The following PSD2 variants were observed in gnomAD, a reference collection of about 807,000 sequenced individuals.
PSD2 encodes the protein pleckstrin and Sec7 domain containing 2.
In PSD2, 38 loss-of-function variants were observed where a neutral mutation model predicts 69.8. The ratio of observed to expected loss-of-function variants is 0.54; its 90% confidence interval spans 0.42 to 0.71. The LOEUF (loss-of-function observed/expected upper bound fraction) is 0.71. PSD2 is among the 30% of genes least tolerant of loss of function. PSD2 has a pLI of 0.00. For synonymous variants in PSD2, 412 were observed against 423.0 expected (o/e 0.97, Z 0.32); for missense variants, 943 against 1,014.5 (o/e 0.93, Z 0.96).
the PSD2 span, among the ~76,000 whole-genome samples, chr5:139,771,265 C>T: frequency 1.1e-4 from 16 of 152,360 alleles, no homozygotes; most frequent in Middle Eastern, 0.01. Flanking sequence ...CCTGGGGACC[C>T]GGGGCTGCCC....
chr5:139,748,623 C>T, the PSD2 span, among the ~76,000 whole-genome samples: 1 of 152,256 alleles, frequency 6.6e-6, no homozygotes, highest in Non-Finnish European at 1.5e-5. Context: ...CTGCCATGTC[C>T]GCGCGGGTGG....
At position 139,843,579 on chromosome 5, in the gene PSD2, A is replaced by G. The variant is rs1760929818; in HGVS notation, c.*1105A>G. 1 of 152,286 alleles carries G rather than the reference A, an allele frequency of 6.6e-6. No homozygotes were observed. Among genetic ancestry groups the G allele is most frequent in the Admixed American group, 6.5e-5 (1 of 15,292 alleles). 9.4% of individuals were successfully genotyped at this position (152,286 alleles called of 1,614,324 possible). A position where few individuals can be genotyped will look rare whatever the true frequency, so the allele number is the denominator to read the frequency against. ...AATGGCTGCTTGTCAACAAGCCCAA[A>G]GATGCTTGTCGGAGGACGGTTATGG... On this transcript the variant is annotated 3_prime_UTR_variant, in exon 15 of 15. Transcript: ENST00000274710.
At chr5:139,792,219 T>C (rs539380146), upstream of PSD2, among the ~76,000 whole-genome samples, 19 of 152,218 alleles carry the variant, frequency 1.2e-4, no homozygotes, top group East Asian at 3.7e-3. Flanking sequence ...CAGTAGGTGC[T>C]TATTGAGCTC....
intron 1 of PSD2, among the ~76,000 whole-genome samples, chr5:139,801,363 T>G (rs936114635): frequency 3.3e-5 from 5 of 152,176 alleles, no homozygotes; most frequent in Admixed American, 6.5e-5. Flanking sequence ...ATCAGTAATG[T>G]TCCTGTCGCT....
At chr5:139,796,058 CGTGCGGGTGGGGGGCGT>C (rs1194190877) in intron 1 of PSD2, 83 bp downstream of exon 1, 51 of 134 alleles carry the variant, frequency 0.38, no homozygotes, top group African/African-American at 0.48. Flanking sequence ...GAGAGGGCCG[CGTGCGGGTGGGGGGCGT>C]CGCCCTCGCC....
At chr5:139,784,797 C>A in the PSD2 span, among the ~76,000 whole-genome samples, 1 of 152,130 alleles carries the variant, frequency 6.6e-6, no homozygotes, top group East Asian at 1.9e-4. Flanking sequence ...GCTCTGTTGC[C>A]CAGGCTGCAG....
rs377386241 is a variant in PSD2, at chr5:139,804,966, C to T, written c.-50-4425C>T. Among the ~76,000 whole-genome samples, 60 of 146,820 alleles carry T rather than the reference C, an allele frequency of 4.1e-4. 1 individual carries two copies. Among genetic ancestry groups the T allele is most frequent in the African/African-American group, 1.3e-3 (50 of 39,190 alleles). On this transcript the variant is annotated intron_variant, in intron 1 of 14. Coordinates refer to ENST00000274710, the MANE Select transcript of PSD2 (RefSeq NM_032289.4). ...CTGCACGTGTGCGTGTGTATGTGTGCGTGTGTGCGTGCGTGTGTGCATGTG... is the reference window on the plus strand; with the variant it reads ...CTGCACGTGTGCGTGTGTATGTGTGTGTGTGTGCGTGCGTGTGTGCATGTG...
chr5:139,766,828 C>CTTCTCTCCCT, the PSD2 span, among the ~76,000 whole-genome samples: 1 of 87,736 alleles, frequency 1.1e-5, no homozygotes, highest in Non-Finnish European at 2.6e-5. Context: ...AAGTCCCTTC[C>CTTCTCTCCCT]TTCTTTCTTT....
chr5:139,833,606 A>C, intron 7 of PSD2, 96 bp from the exon 8 acceptor site: 3 of 827,386 alleles, frequency 3.6e-6, no homozygotes, highest in Non-Finnish European at 6.4e-6. Context: ...ATTGCCCTTA[A>C]TGCTGCCTCA....
chr5:139,766,930 C>CTTCTTTCTTTCT, the PSD2 span, among the ~76,000 whole-genome samples: 287 of 44,064 alleles, frequency 6.5e-3, 1 homozygote, highest in East Asian at 0.029. Flanking sequence ...CCTTCCTTCC[C>CTTCTTTCTTTCT]TTCTTTCTTT....
At chr5:139,748,868 G>A in the PSD2 span, among the ~76,000 whole-genome samples, 1 of 151,956 alleles carries the variant, frequency 6.6e-6, no homozygotes, top group Non-Finnish European at 1.5e-5. Context: ...AAAGAGAGAA[G>A]GGAGCAGTCA....
chr5:139,779,875 T>A, the PSD2 span, among the ~76,000 whole-genome samples: 1 of 152,222 alleles, frequency 6.6e-6, no homozygotes, highest in Admixed American at 6.5e-5. Flanking sequence ...TTTTTATTGT[T>A]GAGTAGGAAT....
At chr5:139,772,603 T>G in the PSD2 span, 6 of 152,340 alleles carry the variant, frequency 3.9e-5, no homozygotes, top group Non-Finnish European at 5.9e-5. Context: ...GCACAGGGCC[T>G]TTGCACTTGC....
At chr5:139,818,669 T>A (rs1760184456) in intron 5 of PSD2, among the ~76,000 whole-genome samples, 1 of 152,224 alleles carries the variant, frequency 6.6e-6, no homozygotes, top group South Asian at 2.1e-4. Flanking sequence ...CCCTTTTCTG[T>A]TTGTAATATG....
intron 1 of PSD2, among the ~76,000 whole-genome samples, chr5:139,803,649 C>G (rs1759726337): frequency 6.6e-6 from 1 of 152,220 alleles, no homozygotes; most frequent in Admixed American, 6.5e-5. Context: ...GACCCACTCT[C>G]CCGGACTGTC....
the PSD2 span, among the ~76,000 whole-genome samples, chr5:139,785,673 T>G: frequency 2.0e-5 from 3 of 152,250 alleles, no homozygotes; most frequent in African/African-American, 7.2e-5. Flanking sequence ...TTGTGTTTTT[T>G]TGTTTACTGA....
At chr5:139,804,644 T>A (rs1437916143) in intron 1 of PSD2, among the ~76,000 whole-genome samples, 1 of 152,100 alleles carries the variant, frequency 6.6e-6, no homozygotes, top group Non-Finnish European at 1.5e-5. Flanking sequence ...CTTCCCTGGG[T>A]CAGCTGTGGT....
intron 5 of PSD2, among the ~76,000 whole-genome samples, chr5:139,818,668 G>A (rs1025832154): frequency 6.6e-6 from 1 of 152,050 alleles, no homozygotes; most frequent in African/African-American, 2.4e-5. Flanking sequence ...ACCCTTTTCT[G>A]TTTGTAATAT....
intron 1 of PSD2, among the ~76,000 whole-genome samples, chr5:139,798,755 G>A (rs113485466): frequency 2.8e-3 from 422 of 152,220 alleles, no homozygotes; most frequent in African/African-American, 9.8e-3. Flanking sequence ...CTGAGACAGG[G>A]ACATTTTTCT....
Sources: allele counts gnomAD v4.1 joint callset (sites outside exome capture counted in the v4.1 genomes callset), GRCh38; gene constraint gnomAD v4.1.1; transcripts MANE v1.5; gene names NCBI Gene and HGNC (gene_info 2026-07-23, HGNC 2026-07-21).